RSRC1: variants seen among roughly 807,000 people sequenced by gnomAD.
The protein encoded by RSRC1 is serine/Arginine-related protein 53.
Under a neutral mutation model 49.1 loss-of-function variants are expected in RSRC1, and 39 were observed. The observed-to-expected ratio is 0.79, with a 90% CI of 0.61 to 1.04. The LOEUF (loss-of-function observed/expected upper bound fraction) is 1.04. RSRC1 is among the 50% of genes least tolerant of loss of function. RSRC1 has a pLI of 0.00. For synonymous variants in RSRC1, 143 were observed against 130.8 expected, an observed-to-expected ratio of 1.09 and a Z score of -0.63; for missense variants, 388 against 402.4, an observed-to-expected ratio of 0.96 and a Z score of 0.31.
At chr3:158,343,231 T>TG (rs1458814565) in intron 5 of RSRC1, among the ~76,000 whole-genome samples, 1 of 152,072 alleles carries the variant, frequency 6.6e-6, no homozygotes, top group Non-Finnish European at 1.5e-5. Flanking sequence ...CCCTTAATAG[T>TG]GGGGGGAAAT....
chr3:158,243,950 GTTT>G (rs57801130), intron 4 of RSRC1, among the ~76,000 whole-genome samples: 10 of 134,508 alleles, frequency 7.4e-5, no homozygotes, highest in African/African-American at 1.7e-4. Flanking sequence ...TGAGACTATG[GTTT>G]TTTTTTTTTT....
intron 6 of RSRC1, among the ~76,000 whole-genome samples, chr3:158,401,179 A>G (rs2108308374): frequency 6.6e-6 from 1 of 152,130 alleles, no homozygotes; most frequent in African/African-American, 2.4e-5. Flanking sequence ...ACACGATGAA[A>G]TTCTAGCAAC....
At chr3:158,177,116 G>A (rs1249982235) in intron 3 of RSRC1, among the ~76,000 whole-genome samples, 1 of 152,202 alleles carries the variant, frequency 6.6e-6, no homozygotes, top group Non-Finnish European at 1.5e-5. Flanking sequence ...CAGTTAGAAT[G>A]TCCATCATTA....
intron 3 of RSRC1, among the ~76,000 whole-genome samples, chr3:158,171,088 C>T (rs1257751579): frequency 6.6e-6 from 1 of 152,156 alleles, no homozygotes; most frequent in African/African-American, 2.4e-5. Flanking sequence ...GTATGACTGG[C>T]ACAAGACCTG....
intron 4 of RSRC1, among the ~76,000 whole-genome samples, chr3:158,247,867 G>C (rs879337602): frequency 6.6e-6 from 1 of 152,126 alleles, no homozygotes; most frequent in Admixed American, 6.6e-5. Context: ...GTCACTCTCA[G>C]GTTGGCCATC....
chr3:158,251,245 G>A (rs1724193924), intron 4 of RSRC1, among the ~76,000 whole-genome samples: 1 of 152,124 alleles, frequency 6.6e-6, no homozygotes. Flanking sequence ...TTAAAGTAAG[G>A]TTATATGATT....
intron 6 of RSRC1, among the ~76,000 whole-genome samples, chr3:158,396,471 T>C (rs1560024590): frequency 1.3e-5 from 2 of 151,960 alleles, no homozygotes; most frequent in Admixed American, 6.6e-5. Flanking sequence ...AATAAGCATC[T>C]GTGATAATTT....
intron 7 of RSRC1, among the ~76,000 whole-genome samples, chr3:158,468,663 A>G (rs2108417056): frequency 6.6e-6 from 1 of 152,284 alleles, no homozygotes; most frequent in Non-Finnish European, 1.5e-5. Context: ...CCTGACAGGT[A>G]TTAGGTAATA....
intron 5 of RSRC1, among the ~76,000 whole-genome samples, chr3:158,318,250 G>A (rs1183926878): frequency 6.6e-6 from 1 of 151,966 alleles, no homozygotes; most frequent in Non-Finnish European, 1.5e-5. Context: ...TTGTGATAGA[G>A]CCATTAATTC....
intron 6 of RSRC1, among the ~76,000 whole-genome samples, chr3:158,439,226 T>C (rs931634556): frequency 2.6e-5 from 4 of 152,200 alleles, no homozygotes; most frequent in South Asian, 2.1e-4. Context: ...GGAGTGTAAA[T>C]TAGTTCAACC....
At chr3:158,448,522 C>T (rs931503047) in intron 6 of RSRC1, among the ~76,000 whole-genome samples, 1 of 151,850 alleles carries the variant, frequency 6.6e-6, no homozygotes, top group African/African-American at 2.4e-5. Context: ...CAGCTATTCA[C>T]TTTTTATCTC....
intron 7 of RSRC1, chr3:158,497,013 T>C (rs1739358677): frequency 6.6e-6 from 1 of 152,104 alleles, no homozygotes; most frequent in Non-Finnish European, 1.5e-5. Context: ...AAATAGAATA[T>C]ATACTATGAA....
At chr3:158,228,633 A>G (rs1005713837) in intron 4 of RSRC1, among the ~76,000 whole-genome samples, 1 of 151,954 alleles carries the variant, frequency 6.6e-6, no homozygotes, top group African/African-American at 2.4e-5. Flanking sequence ...TCATTAGATG[A>G]AAGCAGTTTA....
chr3:158,318,744 T>G (rs930264043), intron 5 of RSRC1, among the ~76,000 whole-genome samples: 2 of 152,226 alleles, frequency 1.3e-5, no homozygotes, highest in African/African-American at 2.4e-5. Flanking sequence ...ATGTCAGAAC[T>G]TGGGAAGGGC....
At chr3:158,394,525 G>A (rs1578422853) in intron 6 of RSRC1, among the ~76,000 whole-genome samples, 1 of 151,970 alleles carries the variant, frequency 6.6e-6, no homozygotes, top group African/African-American at 2.4e-5. Context: ...ACAAAAATCA[G>A]CATTTCTATA....
chr3:158,390,572 C>T (rs1027931725), intron 6 of RSRC1, among the ~76,000 whole-genome samples: 20 of 151,972 alleles, frequency 1.3e-4, no homozygotes, highest in Middle Eastern at 3.4e-3. Context: ...TTATTATTTA[C>T]TAGGGATTAT....
intron 4 of RSRC1, among the ~76,000 whole-genome samples, chr3:158,251,757 G>C (rs897278846): frequency 1.3e-5 from 2 of 152,180 alleles, no homozygotes; most frequent in African/African-American, 4.8e-5. Flanking sequence ...CATATCATCT[G>C]CAAACAAGGA....
At chr3:158,449,309 C>T (rs977590203) in intron 6 of RSRC1, among the ~76,000 whole-genome samples, 7 of 151,806 alleles carry the variant, frequency 4.6e-5, no homozygotes, top group Middle Eastern at 3.2e-3. Flanking sequence ...AATGAAAATA[C>T]GGTTGCTGAA....
chr3:158,532,282 G>A (rs1712443082), intron 7 of RSRC1, among the ~76,000 whole-genome samples: 1 of 151,790 alleles, frequency 6.6e-6, no homozygotes, highest in South Asian at 2.1e-4. Flanking sequence ...TACTTGTCAT[G>A]ATCACATCTG....
Sources: gnomAD v4.1 joint callset for allele counts (sites outside exome capture counted in the v4.1 genomes callset) on GRCh38, gnomAD v4.1.1 for gene constraint, MANE v1.5 for transcripts, NCBI Gene and HGNC (gene_info 2026-07-23, HGNC 2026-07-21) for gene names.